The following PRDM6 variants were observed in gnomAD, a reference collection of about 807,000 sequenced individuals.
PRDM6 encodes PR/SET domain 6.
A neutral mutation model predicts 60.8 loss-of-function variants in PRDM6; 25 were observed. The observed-to-expected ratio is 0.41, with a 90% CI of 0.30 to 0.57. PRDM6 has a LOEUF of 0.57. Ranked by LOEUF, PRDM6 falls within the 20% of genes least tolerant of loss-of-function variation. The pLI is 0.27. For missense variants in PRDM6, 839 were observed against 821.3 expected, an observed-to-expected ratio of 1.02 and a Z score of -0.26; for synonymous variants, 407 against 357.4, an observed-to-expected ratio of 1.14 and a Z score of -1.57.
At position 123,090,405 on chromosome 5, in the gene PRDM6, C is replaced by T; in HGVS notation, c.391C>T (p.Pro131Ser). ...PLAAAAVAAE[P>S]LPPKELCLGA... is the part of the protein sequence containing the mutation. Reference sequence around the variant, plus strand: ...AGCCGCCGCTGCCGTCGCCGCCGAGCCGCTGCCCCCCAAGGAACTGTGCCT... The same window carrying T: ...AGCCGCCGCTGCCGTCGCCGCCGAGTCGCTGCCCCCCAAGGAACTGTGCCT... Residue 131 changes from proline (P) to serine (S), a missense_variant, in exon 2 of 8, where the codon CCG (proline) becomes TCG (serine). Pro to Ser is a moderately conservative substitution (Grantham distance 74). Around this residue, in one of 2 missense-constraint regions of PRDM6, gnomAD observed 730 missense variants for 648.8 expected, o/e 1.13. Transcript: ENST00000407847. 6.9e-7 allele frequency: 1 copy of T among 1,458,982 alleles called. No homozygotes were observed. The highest frequency in any genetic ancestry group is 1.3e-5 in the South Asian group (1 of 74,876). The allele number at this position is 1,458,982 out of a possible 1,614,324, so 90.4% of individuals were successfully genotyped here. A position where few individuals can be genotyped will look rare whatever the true frequency, so the allele number is the denominator to read the frequency against.
chr5:123,166,678 G>C (rs1765760112), intron 5 of PRDM6, among the ~76,000 whole-genome samples: 1 of 152,232 alleles, frequency 6.6e-6, no homozygotes, highest in South Asian at 2.1e-4. Flanking sequence ...GCCTAGCACA[G>C]GGTCAGGCAT....
chr5:123,142,892 AAAAAAAAAAAC>A (rs1765141672), intron 3 of PRDM6, among the ~76,000 whole-genome samples: 2 of 149,274 alleles, frequency 1.3e-5, no homozygotes, highest in African/African-American at 2.5e-5. Flanking sequence ...AAAAAAAAAA[AAAAAAAAAAAC>A]AAACAAACCA....
intron 7 of PRDM6, among the ~76,000 whole-genome samples, chr5:123,180,711 G>A (rs1410968448): frequency 6.6e-6 from 1 of 152,200 alleles, no homozygotes; most frequent in African/African-American, 2.4e-5. Context: ...TCATCAGAAA[G>A]GTGACCACAA....
intron 3 of PRDM6, among the ~76,000 whole-genome samples, chr5:123,150,364 G>A (rs1040702386): frequency 8.5e-5 from 13 of 152,194 alleles, no homozygotes; most frequent in Non-Finnish European, 1.5e-4. Flanking sequence ...GGTTTATATC[G>A]TGTGTTTTCA....
chr5:123,121,141 G>GT (rs779214553), intron 3 of PRDM6, among the ~76,000 whole-genome samples: 1 of 152,090 alleles, frequency 6.6e-6, no homozygotes, highest in Non-Finnish European at 1.5e-5. Flanking sequence ...TTTAGGTCCA[G>GT]TTTTGCACAC....
At chr5:123,113,207 A>G (rs1474791474) in intron 3 of PRDM6, among the ~76,000 whole-genome samples, 2 of 152,306 alleles carry the variant, frequency 1.3e-5, no homozygotes, top group South Asian at 2.1e-4. Flanking sequence ...CAGCGTTTAC[A>G]TTATGGTTCA....
intron 2 of PRDM6, among the ~76,000 whole-genome samples, chr5:123,094,048 G>A (rs1763904234): frequency 6.6e-6 from 1 of 152,082 alleles, no homozygotes; most frequent in South Asian, 2.1e-4. Flanking sequence ...GTGTGTGCAT[G>A]GGTGTGGGAG....
At chr5:123,186,627 C>G (rs1342610879) in intron 7 of PRDM6, among the ~76,000 whole-genome samples, 2 of 152,206 alleles carry the variant, frequency 1.3e-5, no homozygotes, top group Non-Finnish European at 2.9e-5. Flanking sequence ...CCTCTAGTTT[C>G]CAAATTCCAA....
rs1766362287 is a variant in PRDM6, at chr5:123,189,473, T to A, written c.*2272T>A. 1 of 152,232 alleles carries A rather than the reference T, an allele frequency of 6.6e-6. No homozygotes were observed. The highest frequency in any genetic ancestry group is 2.4e-5 in the African/African-American group (1 of 41,458). 9.4% of individuals were successfully genotyped at this position (152,232 alleles called of 1,614,324 possible). A position where few individuals can be genotyped will look rare whatever the true frequency, so the allele number is the denominator to read the frequency against. ...TGAGAAGGCTTCCCTCCTCCCTTGA[T>A]GTCTGGCATGGGAAGGTTTTCCTTA... On this transcript the variant is annotated 3_prime_UTR_variant, in exon 8 of 8. Coordinates refer to ENST00000407847, the MANE Select transcript of PRDM6 (RefSeq NM_001136239.4).
At chr5:123,174,614 A>G (rs1017126317) in intron 6 of PRDM6, among the ~76,000 whole-genome samples, 13 of 152,150 alleles carry the variant, frequency 8.5e-5, no homozygotes, top group African/African-American at 3.1e-4. Context: ...CATCCAAGAG[A>G]CTTTGTGTCT....
intron 3 of PRDM6, among the ~76,000 whole-genome samples, chr5:123,109,592 A>C (rs962968966): frequency 6.6e-6 from 1 of 152,226 alleles, no homozygotes; most frequent in African/African-American, 2.4e-5. Flanking sequence ...CAATGCTTAC[A>C]AATAAAAAAC....
chr5:123,134,823 C>T (rs1351943391), intron 3 of PRDM6, among the ~76,000 whole-genome samples: 4 of 152,170 alleles, frequency 2.6e-5, no homozygotes, highest in Admixed American at 6.5e-5. Context: ...GTTACTGCTC[C>T]GAAGGCAGAG....
At chr5:123,164,431 C>T (rs578207885) in intron 5 of PRDM6, among the ~76,000 whole-genome samples, 50 of 152,184 alleles carry the variant, frequency 3.3e-4, no homozygotes, top group Non-Finnish European at 6.0e-4. Flanking sequence ...CTGGTGAAAA[C>T]AAAGTCACAC....
At position 123,187,445 on chromosome 5, in the gene PRDM6, TAAC is replaced by T. The variant is rs1266864396; in HGVS notation, c.*246_*248del. The T allele has an allele frequency of 9.6e-6, 3 of 311,204 alleles. No individual in the cohort carries two copies. In the East Asian group the frequency reaches 2.0e-4, roughly 21 times the overall value. The allele number at this position is 311,204 out of a possible 1,614,324, so 19.3% of individuals were successfully genotyped here. On this transcript the variant is annotated 3_prime_UTR_variant, in exon 8 of 8. Coordinates refer to ENST00000407847, the MANE Select transcript of PRDM6 (RefSeq NM_001136239.4). ...CAGTGGACAACTAACCTGGGATGGT[TAAC>T]ATTTCCAGTCCCACCATGTATTTTG... is the stretch of plus-strand genomic sequence containing the variant.
chr5:123,096,382 C>A (rs1387277920), intron 2 of PRDM6, among the ~76,000 whole-genome samples: 3 of 152,076 alleles, frequency 2.0e-5, no homozygotes, highest in Non-Finnish European at 4.4e-5. Context: ...TTATACTCTG[C>A]TAGAATGTTT....
At chr5:123,125,951 A>G (rs1301498823) in intron 3 of PRDM6, among the ~76,000 whole-genome samples, 6 of 149,434 alleles carry the variant, frequency 4.0e-5, no homozygotes, top group Admixed American at 1.3e-4. Flanking sequence ...AAAACTTTAT[A>G]GGGTCTTTTT....
In PRDM6 at chr5:123,099,309, G is replaced by C. The variant is rs1764036312; in HGVS notation, c.593-345G>C. ...GAGAGAGAGAGAGACAGAGACAGAGGGAGAGATGCAGAGAGACTGAAACGG... is the reference window on the plus strand; with the variant it reads ...GAGAGAGAGAGAGACAGAGACAGAGCGAGAGATGCAGAGAGACTGAAACGG... On this transcript the variant is annotated intron_variant, in intron 2 of 7. Transcript: ENST00000407847. The surrounding 1 kb of genome is among the most constrained non-coding windows in gnomAD (Gnocchi z 4.0). 6.6e-6 allele frequency among the ~76,000 whole-genome samples: 1 copy of C among 152,148 alleles called. No homozygotes were observed. Among genetic ancestry groups the C allele is most frequent in the South Asian group, 2.1e-4 (1 of 4,830 alleles).
At chr5:123,138,971 T>C (rs1056911003) in intron 3 of PRDM6, among the ~76,000 whole-genome samples, 5 of 152,178 alleles carry the variant, frequency 3.3e-5, no homozygotes, top group Non-Finnish European at 7.4e-5. Context: ...TGGGGGTGGT[T>C]CCCCCATGCT....
At chr5:123,119,289 T>TA in intron 3 of PRDM6, among the ~76,000 whole-genome samples, 1 of 152,130 alleles carries the variant, frequency 6.6e-6, no homozygotes, top group East Asian at 1.9e-4. Flanking sequence ...ATGAGAGATT[T>TA]AAAAAAATGA....
Sources: gnomAD v4.1 joint callset for allele counts (sites outside exome capture counted in the v4.1 genomes callset) on GRCh38, gnomAD v4.1.1 for gene constraint, gnomAD v4.1.1 regional missense constraint, Gnocchi (gnomAD v3.1) non-coding constraint, MANE v1.5 for transcripts, NCBI Gene and HGNC (gene_info 2026-07-23, HGNC 2026-07-21) for gene names.